Variants in TNXB observed in about 807,000 individuals in gnomAD.
TNXB encodes tenascin XB, also known as tenascin-X.
A neutral mutation model predicts 340.5 loss-of-function variants in TNXB; 183 were observed. That is an observed-to-expected ratio of 0.54 (90% CI 0.48 to 0.61). TNXB has a LOEUF of 0.61. Among genes scored for constraint, TNXB ranks in the 20% least tolerant of loss-of-function variants. The probability of loss-of-function intolerance (pLI) is 0.00; values close to 1 mark genes in which losing one functional copy is unlikely to be tolerated. For missense variants in TNXB, 4,613 were observed against 5,446.4 expected, an observed-to-expected ratio of 0.85 and a Z score of 4.82; for synonymous variants, 2,121 against 2,314.5, an observed-to-expected ratio of 0.92 and a Z score of 2.40.
In TNXB at chr6:32,095,992, A is replaced by T. The variant is rs577709747; in HGVS notation, c.1861T>A (p.Cys621Ser). The T allele has an allele frequency of 1.9e-6, 3 of 1,612,982 alleles. No homozygotes were observed. The African/African-American group carries it at 4.0e-5, about 21-fold the overall frequency. Residue 621 changes from cysteine (C) to serine (S), a missense_variant, in exon 3 of 44, where the codon TGC (cysteine) becomes AGC (serine). Cys to Ser is a moderately radical substitution (Grantham distance 112). Around this residue, in one of 7 missense-constraint regions of TNXB, gnomAD observed 4,327 missense variants for 4,859.4 expected, o/e 0.89. Transcript: ENST00000644971. ...YVSEDCSIRT[C>S]PSNCHGRGRC... The stretch of plus-strand genomic sequence containing the variant: ...CCCCTCCCGTGGCAGTTGGAGGGGC[A>T]GGTGCGGATGCTGCAGTCCTCACTC...
chr6:32,069,647 C>G lies in TNXB; in HGVS notation c.5493G>C (p.Val1831=). ...PVEGSLREVS[V]PGLDPAHRYK... ...ACCTGTGGGCAGGGTCCAGGCCCGG[C>G]ACGCTGACCTCCCTGAGGCTGCCCT... is the stretch of plus-strand genomic sequence containing the variant. The change falls in exon 15 of 44, where the codon GTG becomes GTC. Residue 1831 remains valine, a synonymous_variant. Transcript: ENST00000644971. The surrounding 1 kb of genome is among the most constrained non-coding windows in gnomAD (Gnocchi z 6.2). The G allele has an allele frequency of 1.2e-6, 2 of 1,612,896 alleles. No individual in the cohort carries two copies. The highest frequency in any genetic ancestry group is 1.7e-6 in the Non-Finnish European group (2 of 1,179,548).
rs1306716579 is a variant in TNXB at position 32,068,624 on chromosome 6, T to C, written c.5986A>G (p.Thr1996Ala). The C allele has an allele frequency of 6.2e-7, 1 of 1,613,696 alleles. No individual in the cohort carries two copies. Among genetic ancestry groups the C allele is most frequent in the African/African-American group, 1.3e-5 (1 of 74,896 alleles). The change falls in exon 17 of 44, where the codon ACA becomes GCA. Residue 1996 changes from threonine (T) to alanine (A), a missense_variant. Around this residue, in one of 7 missense-constraint regions of TNXB, gnomAD observed 4,327 missense variants for 4,859.4 expected, o/e 0.89. Transcript: ENST00000644971. This position sits in a 1 kb window ranked among gnomAD's most constrained non-coding sequence, Gnocchi z 5.3. ...IKPRLGELTV[T>A]DATPDSLSLS... ...CTGAGGGAGTCAGGGGTGGCATCTG[T>C]CACGGTCAGCTCCCCCAGGCGAGGC...
chr6:32,097,007 G>T lies in TNXB; in HGVS notation c.846C>A (p.Arg282=), dbSNP rs200025506. The change falls in exon 3 of 44, where the codon CGC becomes CGA. Residue 282 remains arginine (R), a synonymous_variant. Transcript: ENST00000644971. This position sits in a 1 kb window ranked among gnomAD's most constrained non-coding sequence, Gnocchi z 5.9. ...CACAGCGCCCCCTCTGACTGCAACC[G>T]CGAGGGCAGCTCCTCATGCCACAGT... ...GDDCGMRSCP[R]GCSQRGRCEN... 1.2e-6 allele frequency: 2 copies of T among 1,605,526 alleles called. No individual in the cohort carries two copies. The highest frequency in any genetic ancestry group is 1.1e-5 in the South Asian group (1 of 90,662).
rs781130889 is a variant in TNXB at position 32,049,436 on chromosome 6, G to C, written c.9591C>G (p.Thr3197=). ...GCCCGTCCCTGTCCTTGTACTGCAC[G>C]GTGAAGGAGTCGAAGCGGCCCTGGG... ...TVPQGRFDSF[T]VQYKDRDGQP... Residue 3197 remains threonine, a synonymous_variant, in exon 28 of 44, where the codon ACC becomes ACG. Coordinates refer to ENST00000644971, the MANE Select transcript of TNXB (RefSeq NM_001365276.2). This position sits in a 1 kb window ranked among gnomAD's most constrained non-coding sequence, Gnocchi z 4.5. 1.9e-6 allele frequency: 3 copies of C among 1,612,662 alleles called. No homozygotes were observed. The highest frequency in any genetic ancestry group is 1.1e-5 in the South Asian group (1 of 91,026).
rs764358474 is a variant in TNXB at position 32,087,846 on chromosome 6, C to G, written c.2779+939G>C. 2 of 488,162 alleles carry G rather than the reference C, an allele frequency of 4.1e-6. No homozygotes were observed. The highest frequency in any genetic ancestry group is 2.0e-5 in the African/African-American group (1 of 48,962). 30.2% of individuals were successfully genotyped at this position (488,162 alleles called of 1,614,324 possible). A position where few individuals can be genotyped will look rare whatever the true frequency, so the allele number is the denominator to read the frequency against. On this transcript the variant is annotated intron_variant, in intron 6 of 43. Transcript: ENST00000644971. The surrounding 1 kb of genome is among the most constrained non-coding windows in gnomAD (Gnocchi z 9.0). Reference sequence around the variant, plus strand: ...GCCGTGGGGGCTGGGACAGGCTTGGCCTGGGCGGGGACTCCTCCTCCCTTT... The same window carrying G: ...GCCGTGGGGGCTGGGACAGGCTTGGGCTGGGCGGGGACTCCTCCTCCCTTT...
In TNXB at chr6:32,053,519, A is replaced by G. The variant is rs187098100; in HGVS notation, c.8660T>C (p.Val2887Ala). 117 of 1,613,402 alleles carry G rather than the reference A, an allele frequency of 7.3e-5. No homozygotes were observed. Among genetic ancestry groups the G allele is most frequent in the African/African-American group, 2.0e-4 (15 of 75,000 alleles). Residue 2887 changes from valine to alanine, a missense_variant, in exon 25 of 44, where the codon GTG (valine) becomes GCG (alanine). By Grantham distance (64) the Val-to-Ala change is moderately conservative (BLOSUM62 0). This residue lies in a region of TNXB where 4,327 missense variants were observed against 4,859.4 expected (regional missense o/e 0.89). Coordinates refer to ENST00000644971, the MANE Select transcript of TNXB (RefSeq NM_001365276.2). ...QYRNGDGQPK[V>A]VRVPGHEDGV... ...GTCCTCGTGCCCCGGCACCCGCACC[A>G]CCTTGGGCTGCCCATCCCCATTCCT...
chr6:32,067,183 G>GAAAGAAAGAAAGAAAGAAAT lies in TNXB; in HGVS notation c.6544+477_6544+478insATTTCTTTCTTTCTTTCTTT, dbSNP rs1554321340. Among the ~76,000 whole-genome samples the GAAAGAAAGAAAGAAAGAAAT allele has an allele frequency of 6.6e-6, 1 of 150,618 alleles. No homozygotes were observed. Among genetic ancestry groups the GAAAGAAAGAAAGAAAGAAAT allele is most frequent in the Non-Finnish European group, 1.5e-5 (1 of 67,652 alleles). ...AGAAAGAAAGAAAGAAAGAAAGAAA[G>GAAAGAAAGAAAGAAAGAAAT]AAAACATTCTAGTGATTCTAGTGGA... On this transcript the variant is annotated intron_variant, in intron 18 of 43. Transcript: ENST00000644971. This position sits in a 1 kb window ranked among gnomAD's most constrained non-coding sequence, Gnocchi z 4.2.
In TNXB at chr6:32,049,910, C is replaced by A; in HGVS notation, c.9439+88G>T. The A allele has an allele frequency of 1.3e-6, 2 of 1,586,356 alleles. No individual in the cohort carries two copies. The highest frequency in any genetic ancestry group is 1.7e-6 in the Non-Finnish European group (2 of 1,161,714). On this transcript the variant is annotated intron_variant, in intron 27 of 43. Transcript: ENST00000644971. This position sits in a 1 kb window ranked among gnomAD's most constrained non-coding sequence, Gnocchi z 4.5. ...AGCAGTTCTGTGGTGCTGACCAGAC[C>A]CCTGTCCCATTCCCCACCAGTCATC...
Position 32,053,102 on chromosome 6 carries a change from C to G in TNXB, c.8792-109G>C, listed in dbSNP as rs1777397887. The stretch of plus-strand genomic sequence containing the variant: ...CCATGAGTGGGGGTCCTGGGGTCAG[C>G]TTGGAGAGGCCCATCTTTGGAGCTG... On this transcript the variant is annotated intron_variant, in intron 25 of 43. Transcript: ENST00000644971. 4.0e-6 allele frequency: 5 copies of G among 1,248,678 alleles called. No homozygotes were observed. In the South Asian group the frequency reaches 5.8e-5, roughly 15 times the overall value. The allele number at this position is 1,248,678 out of a possible 1,614,324, so 77.3% of individuals were successfully genotyped here.
At chr6:32,101,102 A>AAAAC (rs1780698575) in intron 1 of TNXB, among the ~76,000 whole-genome samples, 3 of 148,614 alleles carry the variant, frequency 2.0e-5, no homozygotes, top group East Asian at 2.0e-4. Context: ...AAAAAAAAAA[A>AAAAC]TCTCTGCAAA....
rs1779979050 is a variant in TNXB at position 32,089,388 on chromosome 6, G to C, written c.2359-9C>G. 1 of 1,601,918 alleles carries C rather than the reference G, an allele frequency of 6.2e-7. No homozygotes were observed. Among genetic ancestry groups the C allele is most frequent in the African/African-American group, 1.3e-5 (1 of 74,824 alleles). ...GGGCTCGCCCCCTCTGTCTGTGAGA[G>C]AGAGCACCAGGTGGCTCAGGGGCTG... is the stretch of plus-strand genomic sequence containing the variant. On this transcript the variant is annotated splice_polypyrimidine_tract_variant and intron_variant, in intron 4 of 43. Transcript: ENST00000644971. This position sits in a 1 kb window ranked among gnomAD's most constrained non-coding sequence, Gnocchi z 6.2.
At chr6:32,098,568 C>A (rs1456883489) in intron 1 of TNXB, among the ~76,000 whole-genome samples, 1 of 152,076 alleles carries the variant, frequency 6.6e-6, no homozygotes, top group East Asian at 1.9e-4. Flanking sequence ...ACAACCTCCG[C>A]CTCCCAGGTC....
At chr6:32,088,682 A>G in intron 6 of TNXB, 103 bp downstream of exon 6, 2 of 1,466,712 alleles carry the variant, frequency 1.4e-6, no homozygotes, top group Non-Finnish European at 9.1e-7. Context: ...CACACCTGCC[A>G]GAAGCATTCA....
In TNXB at chr6:32,089,576, A is replaced by G. The variant is rs1479236974; in HGVS notation, c.2359-197T>C. ...CCACTGTTCTAGGCGAGGTACACAC[A>G]TGAACTCACTTAATTCTCACAACAA... On this transcript the variant is annotated intron_variant, in intron 4 of 43. Coordinates refer to ENST00000644971, the MANE Select transcript of TNXB (RefSeq NM_001365276.2). This position sits in a 1 kb window ranked among gnomAD's most constrained non-coding sequence, Gnocchi z 6.2. Among the ~76,000 whole-genome samples the G allele has an allele frequency of 6.6e-6, 1 of 152,216 alleles. No individual in the cohort carries two copies. Among genetic ancestry groups the G allele is most frequent in the Non-Finnish European group, 1.5e-5 (1 of 68,040 alleles).
chr6:32,041,592 C>T (rs556914799), intron 43 of TNXB, 142 bp from the exon 44 acceptor site: 5 of 1,077,014 alleles, frequency 4.6e-6, no homozygotes, highest in Non-Finnish European at 6.9e-6. Context: ...AGGATTGAGG[C>T]TTAATTCTGA....
At chr6:32,059,847 G>A (rs559198043) in intron 21 of TNXB, among the ~76,000 whole-genome samples, 35 of 152,006 alleles carry the variant, frequency 2.3e-4, no homozygotes, top group East Asian at 5.8e-4. Context: ...GCAAGAGACC[G>A]CCTCTCAGCA....
chr6:32,054,633 C>T (rs1246734353), intron 24 of TNXB, among the ~76,000 whole-genome samples: 1 of 152,196 alleles, frequency 6.6e-6, no homozygotes, highest in African/African-American at 2.4e-5. Context: ...CTTCACTGTC[C>T]CTTCCCAATC....
intron 34 of TNXB, 42 bp downstream of exon 34, chr6:32,043,965 G>T: frequency 4.4e-6 from 7 of 1,608,386 alleles, no homozygotes; most frequent in Non-Finnish European, 5.1e-6. Flanking sequence ...GTGCAGGGGG[G>T]AGAGGAAATG....
intron 24 of TNXB, 105 bp downstream of exon 24, chr6:32,055,746 G>A (rs569157697): frequency 1.1e-5 from 16 of 1,470,848 alleles, no homozygotes; most frequent in Non-Finnish European, 1.4e-5. Flanking sequence ...CCCAAGCATG[G>A]AAACGTGCAA....
Sources: allele counts gnomAD v4.1 joint callset (sites outside exome capture counted in the v4.1 genomes callset), GRCh38; gene constraint gnomAD v4.1.1; regional missense constraint gnomAD v4.1.1; non-coding constraint Gnocchi (gnomAD v3.1); transcripts MANE v1.5; gene names NCBI Gene and HGNC (gene_info 2026-07-23, HGNC 2026-07-21).